Variants in CCSER1 observed in about 807,000 individuals in gnomAD.
CCSER1 encodes the protein coiled-coil serine rich protein 1.
In CCSER1, 41 loss-of-function variants were observed where a neutral mutation model predicts 82.0. That is an observed-to-expected ratio of 0.50 (90% CI 0.39 to 0.65). The LOEUF is 0.65. CCSER1 is among the 30% of genes least tolerant of loss of function. CCSER1 has a pLI of 0.00. For missense variants in CCSER1, 1,119 were observed against 1,064.2 expected, an observed-to-expected ratio of 1.05 and a Z score of -0.72; for synonymous variants, 414 against 383.9, an observed-to-expected ratio of 1.08 and a Z score of -0.92.
chr4:90,490,330 G>A (rs574883910), intron 5 of CCSER1, among the ~76,000 whole-genome samples: 9 of 152,264 alleles, frequency 5.9e-5, no homozygotes, highest in Admixed American at 5.2e-4. Context: ...CTTTTAAGAA[G>A]TGTCTGTTCA....
intron 3 of CCSER1, among the ~76,000 whole-genome samples, chr4:90,395,125 AGTTT>A (rs1485924374): frequency 1.2e-4 from 19 of 152,096 alleles, no homozygotes; most frequent in African/African-American, 4.6e-4. Flanking sequence ...TGCTTCTCTG[AGTTT>A]GTTTGGCTGT....
intron 7 of CCSER1, among the ~76,000 whole-genome samples, chr4:90,793,714 TTC>T (rs1755595716): frequency 6.6e-6 from 1 of 152,198 alleles, no homozygotes; most frequent in African/African-American, 2.4e-5. Context: ...CAAATGGTAT[TTC>T]TGTTTTTAGG....
At chr4:90,202,831 T>A (rs952914666) in intron 1 of CCSER1, among the ~76,000 whole-genome samples, 6 of 152,240 alleles carry the variant, frequency 3.9e-5, no homozygotes, top group Non-Finnish European at 8.8e-5. Context: ...AAATGCATTT[T>A]TCGTGAACCA....
intron 10 of CCSER1, among the ~76,000 whole-genome samples, chr4:91,329,799 T>C (rs34427328): frequency 0.24 from 36,193 of 152,114 alleles, 4,844 homozygotes; most frequent in Middle Eastern, 0.41. Flanking sequence ...TTAGTGATTC[T>C]TTTGTATTTT....
intron 1 of CCSER1, among the ~76,000 whole-genome samples, chr4:90,190,818 G>T (rs866778808): frequency 1.2e-4 from 19 of 152,108 alleles, no homozygotes; most frequent in African/African-American, 3.4e-4. Context: ...TGGCACCAAG[G>T]TTTTCTTCCT....
chr4:90,201,000 C>T (rs1048139046), intron 1 of CCSER1, among the ~76,000 whole-genome samples: 12 of 152,198 alleles, frequency 7.9e-5, no homozygotes, highest in African/African-American at 2.6e-4. Context: ...CAAAGAGACA[C>T]TCCAGAAAGC....
chr4:91,458,343 C>T (rs928440274), intron 10 of CCSER1, among the ~76,000 whole-genome samples: 9 of 151,986 alleles, frequency 5.9e-5, no homozygotes, highest in East Asian at 1.9e-4. Context: ...ATGTGGATTT[C>T]TCTCTGGGTT....
intron 10 of CCSER1, among the ~76,000 whole-genome samples, chr4:91,123,006 G>C (rs774798640): frequency 6.6e-6 from 1 of 151,740 alleles, no homozygotes; most frequent in African/African-American, 2.4e-5. Context: ...ATATAGGGCA[G>C]AATACTATTT....
chr4:90,461,467 G>GT (rs751238451), intron 4 of CCSER1, among the ~76,000 whole-genome samples: 2 of 152,142 alleles, frequency 1.3e-5, no homozygotes, highest in Non-Finnish European at 2.9e-5. Flanking sequence ...ATGTTTTTAA[G>GT]TTTTTAAGTT....
intron 4 of CCSER1, among the ~76,000 whole-genome samples, chr4:90,460,924 C>T (rs1189828074): frequency 2.6e-5 from 4 of 152,090 alleles, no homozygotes; most frequent in African/African-American, 9.7e-5. Context: ...TCGACTTTTT[C>T]CCCTCTAGTC....
chr4:90,310,101 G>A (rs1035044789), intron 2 of CCSER1, among the ~76,000 whole-genome samples: 5 of 151,320 alleles, frequency 3.3e-5, no homozygotes, highest in Non-Finnish European at 1.5e-5. Flanking sequence ...TATTAATTAG[G>A]ATCCATGTTT....
chr4:90,865,241 A>G (rs2150004901), intron 8 of CCSER1, among the ~76,000 whole-genome samples: 1 of 152,184 alleles, frequency 6.6e-6, no homozygotes, highest in Admixed American at 6.6e-5. Context: ...TCTTCAGATG[A>G]TCACTCACAA....
chr4:90,243,274 A>G (rs1720734621), intron 1 of CCSER1, among the ~76,000 whole-genome samples: 1 of 151,694 alleles, frequency 6.6e-6, no homozygotes, highest in East Asian at 1.9e-4. Context: ...TTTGAGATGG[A>G]GTCTCGCTCT....
At chr4:91,025,946 G>A (rs1476178812) in intron 9 of CCSER1, among the ~76,000 whole-genome samples, 2 of 152,078 alleles carry the variant, frequency 1.3e-5, no homozygotes, top group Non-Finnish European at 2.9e-5. Context: ...TAGATGAAGA[G>A]GGATGAACAA....
intron 9 of CCSER1, among the ~76,000 whole-genome samples, chr4:90,936,250 G>T (rs1486654107): frequency 6.6e-6 from 1 of 151,870 alleles, no homozygotes; most frequent in Non-Finnish European, 1.5e-5. Context: ...ACAATATATT[G>T]AATGCATTAT....
intron 10 of CCSER1, among the ~76,000 whole-genome samples, chr4:91,504,820 A>T (rs1759399295): frequency 6.6e-6 from 1 of 152,126 alleles, no homozygotes; most frequent in East Asian, 1.9e-4. Flanking sequence ...TATGGTGAGA[A>T]GGAGTGTTCA....
At chr4:91,266,636 G>A (rs1741613344) in intron 10 of CCSER1, among the ~76,000 whole-genome samples, 2 of 152,108 alleles carry the variant, frequency 1.3e-5, no homozygotes, top group South Asian at 4.1e-4. Flanking sequence ...TCAAAGAAAA[G>A]GGCTTGGTCT....
chr4:90,139,955 A>G (rs186394013), intron 1 of CCSER1, among the ~76,000 whole-genome samples: 1 of 152,088 alleles, frequency 6.6e-6, no homozygotes, highest in South Asian at 2.1e-4. Context: ...GTGAGACTCC[A>G]TCTCAAAAGT....
intron 10 of CCSER1, among the ~76,000 whole-genome samples, chr4:91,396,849 G>A (rs1323649910): frequency 6.6e-6 from 1 of 151,976 alleles, no homozygotes; most frequent in African/African-American, 2.4e-5. Context: ...TAAATGAGCA[G>A]CTGTGGAGAC....
Sources: allele counts gnomAD v4.1 joint callset (sites outside exome capture counted in the v4.1 genomes callset), GRCh38; gene constraint gnomAD v4.1.1; transcripts MANE v1.5; gene names NCBI Gene and HGNC (gene_info 2026-07-23, HGNC 2026-07-21).